ATG9A: variants seen among roughly 807,000 people sequenced by gnomAD.
The protein encoded by ATG9A is autophagy related 9A.
A neutral mutation model predicts 87.1 loss-of-function variants in ATG9A; 21 were observed. The ratio of observed to expected loss-of-function variants is 0.24; its 90% CI spans 0.17 to 0.35. ATG9A has a LOEUF of 0.35. ATG9A is among the 10% of genes least tolerant of loss of function. The pLI, the probability that ATG9A is intolerant of heterozygous loss-of-function variation, is 1.00. For missense variants in ATG9A, 836 were observed against 1,107.3 expected (o/e 0.76, Z 3.48); for synonymous variants, 422 against 441.3 (o/e 0.96, Z 0.55).
At chr2:219,220,657 T>C (rs1574823670) in intron 15 of ATG9A, 90 bp downstream of exon 15, 1 of 1,529,146 alleles carries the variant, frequency 6.5e-7, no homozygotes, top group African/African-American at 1.4e-5. Flanking sequence ...TGTGTGGGGG[T>C]GGGGCATATC....
In ATG9A at chr2:219,222,969, G is replaced by A. The variant is rs1950791520; in HGVS notation, c.1600-76C>T. On this transcript the variant is annotated intron_variant, in intron 10 of 15. Coordinates refer to ENST00000361242, the MANE Select transcript of ATG9A (RefSeq NM_001077198.3). This position sits in a 1 kb window ranked among gnomAD's most constrained non-coding sequence, Gnocchi z 4.3. The stretch of plus-strand genomic sequence containing the variant: ...CCTGCACCTTTCCTGTTAGTGGGGA[G>A]GCCTTACCCTTGGAGAACGGAGACC... 3.8e-6 allele frequency: 6 copies of A among 1,579,300 alleles called. No homozygotes were observed. The highest frequency in any genetic ancestry group is 1.7e-5 in the Admixed American group (1 of 58,610).
rs1263785235 is a variant in ATG9A, at chr2:219,222,888, T to C, written c.1605A>G (p.Leu535=). 7 of 1,614,018 alleles carry C rather than the reference T, an allele frequency of 4.3e-6. No homozygotes were observed. In the Admixed American group the frequency reaches 8.3e-5, roughly 19 times the overall value. ...DVRQHGHPQW[L]SAGQTEASVY... The stretch of plus-strand genomic sequence containing the variant: ...CTGAGGCCTCTGTCTGCCCAGCAGA[T>C]AGCCACTGCACAAGGAAGAGCAGAG... The change falls in exon 11 of 16, where the codon CTA becomes CTG. Residue 535 remains leucine (L), a synonymous_variant. Transcript: ENST00000361242. This position sits in a 1 kb window ranked among gnomAD's most constrained non-coding sequence, Gnocchi z 4.3.
In ATG9A at chr2:219,223,822, G is replaced by C. The variant is rs772306266; in HGVS notation, c.1419+47C>G. On this transcript the variant is annotated intron_variant, in intron 9 of 15. Transcript: ENST00000361242. The surrounding 1 kb of genome is among the most constrained non-coding windows in gnomAD (Gnocchi z 4.7). ...AGGAGGGAGCCCAGCCCTCACCACC[G>C]AGCTACCAGCCAGTCTCTAGCAGGC... 5.0e-6 allele frequency: 8 copies of C among 1,613,850 alleles called. No individual in the cohort carries two copies. The African/African-American group carries it at 1.1e-4, about 22-fold the overall frequency.
intron 5 of ATG9A, among the ~76,000 whole-genome samples, chr2:219,226,130 T>A (rs1308635796): frequency 6.6e-6 from 1 of 152,046 alleles, no homozygotes; most frequent in African/African-American, 2.4e-5. Flanking sequence ...TTTTTTTTTT[T>A]GAGAGAGTCT....
At chr2:219,227,380 C>CG (rs1950883255) in intron 4 of ATG9A, among the ~76,000 whole-genome samples, 1 of 152,014 alleles carries the variant, frequency 6.6e-6, no homozygotes, top group Non-Finnish European at 1.5e-5. Context: ...AGCTGGGCAT[C>CG]GTGGCAGGTG....
chr2:219,220,520 G>GAAA, intron 15 of ATG9A, 68 bp from the exon 16 acceptor site: 1 of 1,597,778 alleles, frequency 6.3e-7, no homozygotes, highest in Admixed American at 1.7e-5. Flanking sequence ...TAGCCCCATA[G>GAAA]AAACCTAGAG....
At position 219,224,199 on chromosome 2, in the gene ATG9A, A is replaced by T; in HGVS notation, c.1172T>A (p.Leu391His). ...AFFAGSILAV[L>H]IALTIYDEDV... is the part of the protein sequence containing the mutation. ...TTCGTCATAAATGGTGAGGGCAATA[A>T]GCACAGCCAGGATGGAGCCAGCGAA... Residue 391 changes from leucine (L) to histidine (H), a missense_variant, in exon 8 of 16, where the codon CTT becomes CAT. This residue lies in a region of ATG9A where 512 missense variants were observed against 759.6 expected (regional missense o/e 0.67). Transcript: ENST00000361242. This position sits in a 1 kb window ranked among gnomAD's most constrained non-coding sequence, Gnocchi z 7.7. 6.2e-7 allele frequency: 1 copy of T among 1,613,806 alleles called. No individual in the cohort carries two copies. Among genetic ancestry groups the T allele is most frequent in the South Asian group, 1.1e-5 (1 of 91,090 alleles).
Position 219,224,340 on chromosome 2 carries a change from T to C in ATG9A, c.1031A>G (p.Asn344Ser), listed in dbSNP as rs1950821229. 3.7e-6 allele frequency: 6 copies of C among 1,613,562 alleles called. No individual in the cohort carries two copies. In the African/African-American group the frequency reaches 4.0e-5, roughly 11 times the overall value. ...LYGRCYLRHF[N>S]ELEHELQSRL... is the part of the protein sequence containing the mutation. ...GGACTGCAGCTCGTGCTCCAGCTCG[T>C]TGAAGTGGCGGAGGTAGCAGCGGCC... Residue 344 changes from asparagine to serine, a missense_variant, in exon 8 of 16, where the codon AAC becomes AGC. Coordinates refer to ENST00000361242, the MANE Select transcript of ATG9A (RefSeq NM_001077198.3). This position sits in a 1 kb window ranked among gnomAD's most constrained non-coding sequence, Gnocchi z 7.7.
chr2:219,220,955 G>C, intron 14 of ATG9A, 63 bp from the exon 15 acceptor site: 3 of 1,604,434 alleles, frequency 1.9e-6, no homozygotes, highest in East Asian at 4.5e-5. Flanking sequence ...GAACAGGGCT[G>C]GGGGGCTGCT....
Position 219,223,045 on chromosome 2 carries a change from G to A in ATG9A, c.1600-152C>T. On this transcript the variant is annotated intron_variant, in intron 10 of 15. Transcript: ENST00000361242. The surrounding 1 kb of genome is among the most constrained non-coding windows in gnomAD (Gnocchi z 4.7). ...GGCACTGGTGCCCCCCCAGACCCAG[G>A]AGGGGCTGCACTGCATGCTGAGCCA... is the stretch of plus-strand genomic sequence containing the variant. The A allele has an allele frequency of 1.0e-6, 1 of 997,684 alleles. No individual in the cohort carries two copies. Among genetic ancestry groups the A allele is most frequent in the Non-Finnish European group, 1.5e-6 (1 of 689,246 alleles). The allele number at this position is 997,684 out of a possible 1,614,324, so 61.8% of individuals were successfully genotyped here. A position where few individuals can be genotyped will look rare whatever the true frequency, so the allele number is the denominator to read the frequency against.
chr2:219,222,549 G>T lies in ATG9A; in HGVS notation c.1848+96C>A, dbSNP rs566741358. 1 of 1,579,960 alleles carries T rather than the reference G, an allele frequency of 6.3e-7. No individual in the cohort carries two copies. Among genetic ancestry groups the T allele is most frequent in the Admixed American group, 1.7e-5 (1 of 58,256 alleles). On this transcript the variant is annotated intron_variant, in intron 11 of 15. Transcript: ENST00000361242. This position sits in a 1 kb window ranked among gnomAD's most constrained non-coding sequence, Gnocchi z 4.3. Reference sequence around the variant, plus strand: ...TCAGGCCCCAGTGGCACATACTGAAGAGACAGCAGGAAGCCTTCCACCCCA... The same window carrying T: ...TCAGGCCCCAGTGGCACATACTGAATAGACAGCAGGAAGCCTTCCACCCCA...
chr2:219,224,952 C>A lies in ATG9A; in HGVS notation c.517-98G>T. ...AGAAGTGAGATTCAGGGGTTGTGAG[C>A]TTAAGAGACAGTTCCTGATTTGTCA... On this transcript the variant is annotated intron_variant, in intron 7 of 15. Coordinates refer to ENST00000361242, the MANE Select transcript of ATG9A (RefSeq NM_001077198.3). The surrounding 1 kb of genome is among the most constrained non-coding windows in gnomAD (Gnocchi z 7.7). 6.3e-7 allele frequency: 1 copy of A among 1,577,610 alleles called. No homozygotes were observed. The highest frequency in any genetic ancestry group is 8.7e-7 in the Non-Finnish European group (1 of 1,155,528).
intron 15 of ATG9A, 146 bp downstream of exon 15, chr2:219,220,601 A>G: frequency 6.7e-7 from 1 of 1,484,702 alleles, no homozygotes; most frequent in Non-Finnish European, 9.2e-7. Flanking sequence ...AGAGCAGTTG[A>G]GAAAAGAAGG....
In ATG9A at chr2:219,224,618, A is replaced by G. The variant is rs760039981; in HGVS notation, c.753T>C (p.Phe251=). ...VFFTRGLKYN[F]ELILFWGPGS... is the part of the protein sequence containing the mutation. ...CAGGTCCCCAGAAGAGGATCAGCTC[A>G]AAGTTGTACTTGAGACCACGGGTGA... The change falls in exon 8 of 16, where the codon TTT becomes TTC. Residue 251 remains phenylalanine (F), a synonymous_variant. Transcript: ENST00000361242. The surrounding 1 kb of genome is among the most constrained non-coding windows in gnomAD (Gnocchi z 7.7). The G allele has an allele frequency of 2.5e-5, 40 of 1,614,116 alleles. No homozygotes were observed. The highest frequency in any genetic ancestry group is 3.4e-5 in the Non-Finnish European group (40 of 1,180,056).
chr2:219,227,540 A>G (rs1950886779), intron 4 of ATG9A, among the ~76,000 whole-genome samples: 1 of 152,108 alleles, frequency 6.6e-6, no homozygotes, highest in Admixed American at 6.6e-5. Flanking sequence ...GCTCACCCTT[A>G]GAAAGGCTTC....
rs114840649 is a variant in ATG9A at position 219,220,823 on chromosome 2, C to T, written c.2438G>A (p.Gly813Glu). ...CTCAGGGTGCCTTGATGCCGACTGC[C>T]CATCTTCTGCCCACCCTCCAAGAGG... ...RLPLGGWAEDGQSASRHPEPV... is the reference protein window; with the variant it reads ...RLPLGGWAEDEQSASRHPEPV... Residue 813 changes from glycine (G) to glutamate (E), a missense_variant, in exon 15 of 16, where the codon GGG (glycine) becomes GAG (glutamate). Coordinates refer to ENST00000361242, the MANE Select transcript of ATG9A (RefSeq NM_001077198.3). 4.6e-4 allele frequency: 747 copies of T among 1,613,436 alleles called. 7 individuals carry two copies. In the African/African-American group the frequency reaches 8.9e-3, roughly 19 times the overall value.
In ATG9A at chr2:219,229,440, G is replaced by A. The variant is rs1950957677; in HGVS notation, c.-82+95C>T. 1 of 152,338 alleles carries A rather than the reference G, an allele frequency of 6.6e-6. No individual in the cohort carries two copies. The highest frequency in any genetic ancestry group is 2.1e-4 in the South Asian group (1 of 4,828). The allele number at this position is 152,338 out of a possible 1,614,324, so 9.4% of individuals were successfully genotyped here. On this transcript the variant is annotated intron_variant, in intron 1 of 15. Coordinates refer to ENST00000361242, the MANE Select transcript of ATG9A (RefSeq NM_001077198.3). The surrounding 1 kb of genome is among the most constrained non-coding windows in gnomAD (Gnocchi z 4.2). ...CCCCGCCGGCGGCGCCCCTTCCTCCGTTACCCGCCGCGAGCTCACTTAGGG... is the reference window on the plus strand; with the variant it reads ...CCCCGCCGGCGGCGCCCCTTCCTCCATTACCCGCCGCGAGCTCACTTAGGG...
chr2:219,222,133 C>T lies in ATG9A; in HGVS notation c.2062G>A (p.Val688Met), dbSNP rs762892930. The change falls in exon 13 of 16, where the codon GTG (valine) becomes ATG (methionine). Residue 688 changes from valine (V) to methionine (M), a missense_variant. Coordinates refer to ENST00000361242, the MANE Select transcript of ATG9A (RefSeq NM_001077198.3). This position sits in a 1 kb window ranked among gnomAD's most constrained non-coding sequence, Gnocchi z 4.3. ...DARTASSGSS[V>M]WEGQLQSLVL... is the part of the protein sequence containing the mutation. ...AGGCTCTGCAGCTGTCCTTCCCACA[C>T]GCTGCTCCCGGAGCTGGCTGTCCTG... The T allele has an allele frequency of 1.5e-5, 24 of 1,613,920 alleles. No homozygotes were observed. Among genetic ancestry groups the T allele is most frequent in the Middle Eastern group, 1.6e-4 (1 of 6,078 alleles).
At position 219,221,065 on chromosome 2, in the gene ATG9A, A is replaced by G; in HGVS notation, c.2368+15T>C. On this transcript the variant is annotated intron_variant, in intron 14 of 15. Coordinates refer to ENST00000361242, the MANE Select transcript of ATG9A (RefSeq NM_001077198.3). ...CCCTGCAGCCTCTGTTTCCTCCTAT[A>G]CCCCCACTGGATACCTGTGATGCCA... 1 of 1,611,016 alleles carries G rather than the reference A, an allele frequency of 6.2e-7. No individual in the cohort carries two copies. The highest frequency in any genetic ancestry group is 1.3e-5 in the African/African-American group (1 of 74,710).
Sources: gnomAD v4.1 joint callset for allele counts (sites outside exome capture counted in the v4.1 genomes callset) on GRCh38, gnomAD v4.1.1 for gene constraint, gnomAD v4.1.1 regional missense constraint, Gnocchi (gnomAD v3.1) non-coding constraint, MANE v1.5 for transcripts, NCBI Gene and HGNC (gene_info 2026-07-23, HGNC 2026-07-21) for gene names.